BAIAP2: variants seen among roughly 807,000 people sequenced by gnomAD.
The protein encoded by BAIAP2 is BAR/IMD domain containing adaptor protein 2.
A neutral mutation model predicts 63.0 loss-of-function variants in BAIAP2; 18 were observed. The ratio of observed to expected loss-of-function variants is 0.29; its 90% CI spans 0.20 to 0.42. The LOEUF (loss-of-function observed/expected upper bound fraction) is 0.42. Ranked by LOEUF, BAIAP2 falls within the 10% of genes least tolerant of loss-of-function variation. The pLI, the probability that BAIAP2 is intolerant of heterozygous loss-of-function variation, is 1.00. For missense variants in BAIAP2, 610 were observed against 734.3 expected (o/e 0.83, Z 1.96); for synonymous variants, 386 against 307.6 (o/e 1.25, Z -2.67).
chr17:81,075,936 A>ATTT (rs56219227), intron 3 of BAIAP2, among the ~76,000 whole-genome samples: 7 of 145,404 alleles, frequency 4.8e-5, no homozygotes, highest in East Asian at 2.0e-4. Flanking sequence ...TCTGCTGGGA[A>ATTT]TTTTTTTTTT....
chr17:81,107,354 A>C (rs1158542701), intron 12 of BAIAP2: 1 of 162,806 alleles, frequency 6.1e-6, no homozygotes, highest in Non-Finnish European at 1.3e-5. Context: ...CAGCCCTGGC[A>C]TGTGGCTGGA....
In BAIAP2 at chr17:81,109,184, C is replaced by T. The variant is rs777378149; in HGVS notation, c.1535+675C>T. On this transcript the variant is annotated intron_variant, in intron 13 of 13. Transcript: ENST00000428708. ...CCAGGGTCCATGGTGCTGCTCCATC[C>T]GCCCCCCCTCCCCTGTGTTTACGCG... 3.4e-5 allele frequency: 48 copies of T among 1,407,942 alleles called. No homozygotes were observed. In the African/African-American group the frequency reaches 4.7e-4, roughly 14 times the overall value. The allele number at this position is 1,407,942 out of a possible 1,614,324, so 87.2% of individuals were successfully genotyped here.
At chr17:81,057,663 T>C in intron 2 of BAIAP2, 2 of 1,353,684 alleles carry the variant, frequency 1.5e-6, no homozygotes, top group Non-Finnish European at 1.9e-6. Context: ...GTTGTGTTCT[T>C]ACGAGTCAAG....
At position 81,116,332 on chromosome 17, in the gene BAIAP2, C is replaced by T. The variant is rs747439747; in HGVS notation, c.*493C>T. The T allele has an allele frequency of 1.9e-6, 3 of 1,611,948 alleles. No homozygotes were observed. The highest frequency in any genetic ancestry group is 2.7e-5 in the African/African-American group (2 of 75,038). ...CTTCCCGTAAGCACGTAATTCCCTG[C>T]AGGTCCGGCAGCTACACCTGGAGTG... is the stretch of plus-strand genomic sequence containing the variant. On this transcript the variant is annotated 3_prime_UTR_variant, in exon 14 of 14. Transcript: ENST00000428708.
chr17:81,103,507 G>T lies in BAIAP2; in HGVS notation c.648G>T (p.Lys216Asn). The T allele has an allele frequency of 6.4e-7, 1 of 1,571,078 alleles. No homozygotes were observed. The highest frequency in any genetic ancestry group is 2.3e-5 in the East Asian group (1 of 43,052). ...KNSAAYHSKG[K>N]ELLAQKLPLW... The stretch of plus-strand genomic sequence containing the variant: ...TCCTGCTGCTTCCACTTCAGGGCAA[G>T]GAGCTGCTGGCGCAGAAGCTGCCGC... Residue 216 changes from lysine to asparagine, a missense_variant, in exon 8 of 14, where the codon AAG becomes AAT. By Grantham distance (94) the Lys-to-Asn change is moderately conservative. This residue lies in a region of BAIAP2 where 389 missense variants were observed against 455.6 expected (regional missense o/e 0.85). Transcript: ENST00000428708.
intron 6 of BAIAP2, among the ~76,000 whole-genome samples, chr17:81,095,413 C>T (rs958090386): frequency 2.8e-4 from 43 of 152,204 alleles, no homozygotes; most frequent in Non-Finnish European, 1.0e-4. Flanking sequence ...TCCCCGTCCC[C>T]GCACCGGCCC....
intron 3 of BAIAP2, among the ~76,000 whole-genome samples, chr17:81,084,259 G>A (rs914600761): frequency 4.6e-5 from 7 of 152,174 alleles, no homozygotes; most frequent in African/African-American, 4.8e-5. Context: ...TCAGACCACC[G>A]CGCTCCTCTG....
Position 81,115,909 on chromosome 17 carries a change from A to T in BAIAP2, c.*70A>T. On this transcript the variant is annotated 3_prime_UTR_variant, in exon 14 of 14. Coordinates refer to ENST00000428708, the MANE Select transcript of BAIAP2 (RefSeq NM_001144888.2). ...TTCCCATGTAGCCTGTTCTGTCATC[A>T]TCTGTGCGTTCCTGTGTAGAGAACA... 6.3e-7 allele frequency: 1 copy of T among 1,598,728 alleles called. No individual in the cohort carries two copies. The highest frequency in any genetic ancestry group is 8.5e-7 in the Non-Finnish European group (1 of 1,173,266).
intron 3 of BAIAP2, among the ~76,000 whole-genome samples, chr17:81,065,316 C>T (rs979364064): frequency 2.6e-5 from 4 of 152,206 alleles, no homozygotes; most frequent in African/African-American, 7.2e-5. Context: ...CGGCCCCCTG[C>T]AGGGGTCCAG....
In BAIAP2 at chr17:81,115,339, G is replaced by A. The variant is rs375342155; in HGVS notation, c.1536-431G>A. 2.4e-4 allele frequency among the ~76,000 whole-genome samples: 37 copies of A among 152,326 alleles called. No homozygotes were observed. The East Asian group carries it at 3.9e-3, about 16-fold the overall frequency. ...AGGGCTGGGCTGGACGCTCTGCCAC[G>A]CTGTGTCCCTGGGTGTGGGCCTGGC... On this transcript the variant is annotated intron_variant, in intron 13 of 13. Transcript: ENST00000428708.
chr17:81,047,490 C>G (rs564815667), intron 1 of BAIAP2, among the ~76,000 whole-genome samples: 6 of 152,384 alleles, frequency 3.9e-5, no homozygotes, highest in African/African-American at 1.4e-4. Flanking sequence ...GTAGCACACA[C>G]ACAGGTCCAC....
intron 10 of BAIAP2, chr17:81,105,461 C>T (rs1217402125): frequency 2.6e-5 from 4 of 153,430 alleles, no homozygotes; most frequent in African/African-American, 7.2e-5. Context: ...CAGACGGGCT[C>T]TCCAGTTTGG....
intron 6 of BAIAP2, among the ~76,000 whole-genome samples, chr17:81,093,030 C>T (rs565921285): frequency 1.3e-5 from 2 of 151,756 alleles, no homozygotes; most frequent in East Asian, 1.9e-4. Flanking sequence ...CCACATGCCC[C>T]ATCCTGCATC....
chr17:81,055,726 C>T (rs928738487), intron 2 of BAIAP2, among the ~76,000 whole-genome samples: 11 of 151,876 alleles, frequency 7.2e-5, no homozygotes, highest in African/African-American at 9.7e-5. Flanking sequence ...CCACCACGCC[C>T]GGCTAATTTT....
intron 13 of BAIAP2, among the ~76,000 whole-genome samples, chr17:81,115,489 T>TGCCCTGCCCA (rs982443102): frequency 6.7e-6 from 1 of 149,632 alleles, no homozygotes; most frequent in African/African-American, 2.5e-5. Context: ...CACCCCGCCC[T>TGCCCTGCCCA]GCCCTGCCCA....
rs1247571520 is a variant in BAIAP2, at chr17:81,046,599, C to G, written c.55-7069C>G. On this transcript the variant is annotated intron_variant, in intron 1 of 13. Coordinates refer to ENST00000428708, the MANE Select transcript of BAIAP2 (RefSeq NM_001144888.2). The surrounding 1 kb of genome is among the most constrained non-coding windows in gnomAD (Gnocchi z 4.5). ...AGGACGCTGCCACCTTCCCGATGCT[C>G]TCTGCCCACAGAAGTCCCCCAACCC... 1.3e-5 allele frequency among the ~76,000 whole-genome samples: 2 copies of G among 152,194 alleles called. No individual in the cohort carries two copies. Among genetic ancestry groups the G allele is most frequent in the Middle Eastern group, 3.4e-3 (1 of 294 alleles).
At chr17:81,103,207 G>GTTCCTCC (rs762647187) in intron 7 of BAIAP2, among the ~76,000 whole-genome samples, 23 of 152,220 alleles carry the variant, frequency 1.5e-4, no homozygotes, top group Non-Finnish European at 3.2e-4. Flanking sequence ...GTCCCTGTCC[G>GTTCCTCC]TTCCTCCTTC....
intron 3 of BAIAP2, among the ~76,000 whole-genome samples, chr17:81,071,205 G>T (rs1375016698): frequency 6.6e-6 from 1 of 152,146 alleles, no homozygotes; most frequent in Non-Finnish European, 1.5e-5. Context: ...CTGGTGGCTG[G>T]AGGGCAGCAG....
chr17:81,115,058 C>T (rs377106975), intron 13 of BAIAP2, among the ~76,000 whole-genome samples: 1 of 152,254 alleles, frequency 6.6e-6, no homozygotes, highest in African/African-American at 2.4e-5. Flanking sequence ...GAGAAAGGCT[C>T]AGGCATCCCT....
Sources: gnomAD v4.1 joint callset for allele counts (sites outside exome capture counted in the v4.1 genomes callset) on GRCh38, gnomAD v4.1.1 for gene constraint, gnomAD v4.1.1 regional missense constraint, Gnocchi (gnomAD v3.1) non-coding constraint, MANE v1.5 for transcripts, NCBI Gene and HGNC (gene_info 2026-07-23, HGNC 2026-07-21) for gene names.